RIMKLB: variants seen among roughly 807,000 people sequenced by gnomAD.
RIMKLB encodes ribosomal modification protein rimK like family member B.
A neutral mutation model predicts 32.0 loss-of-function variants in RIMKLB; 7 were observed. The observed-to-expected ratio is 0.22, with a 90% confidence interval of 0.12 to 0.41. The LOEUF (loss-of-function observed/expected upper bound fraction) is 0.41. Among genes scored for constraint, RIMKLB ranks in the 10% least tolerant of loss-of-function variants. The pLI is 1.00. For synonymous variants in RIMKLB, 172 were observed against 185.1 expected (o/e 0.93, Z 0.57); for missense variants, 289 against 498.7 (o/e 0.58, Z 4.00).
At chr12:8,717,630 G>C (rs778355405) in intron 2 of RIMKLB, among the ~76,000 whole-genome samples, 17 of 152,208 alleles carry the variant, frequency 1.1e-4, no homozygotes, top group South Asian at 2.1e-4. Flanking sequence ...AATGTAAAAG[G>C]CTTGTCTGTT....
At chr12:8,778,241 A>G (rs1950848548), downstream of RIMKLB, among the ~76,000 whole-genome samples, 1 of 152,208 alleles carries the variant, frequency 6.6e-6, no homozygotes, top group African/African-American at 2.4e-5. Context: ...GAGTTTTGAA[A>G]GGTAAAATTA....
downstream of RIMKLB, chr12:8,779,044 G>T (rs1321700084): frequency 2.0e-5 from 3 of 152,120 alleles, no homozygotes; most frequent in Admixed American, 1.3e-4. Context: ...AATTTGAATT[G>T]GAATTTACTT....
intron 2 of RIMKLB, among the ~76,000 whole-genome samples, chr12:8,735,790 G>T (rs920946823): frequency 6.6e-6 from 1 of 151,924 alleles, no homozygotes; most frequent in Non-Finnish European, 1.5e-5. Context: ...GAGTGCAATG[G>T]CGGGATCCCG....
intron 1 of RIMKLB, among the ~76,000 whole-genome samples, chr12:8,688,018 T>C (rs1010367864): frequency 6.6e-6 from 1 of 152,082 alleles, no homozygotes; most frequent in African/African-American, 2.4e-5. Flanking sequence ...GAAGAGCTTA[T>C]GAAAGGGGTG....
At chr12:8,715,228 C>CCTTTTTTTT (rs1445737752) in intron 2 of RIMKLB, among the ~76,000 whole-genome samples, 20 of 123,760 alleles carry the variant, frequency 1.6e-4, no homozygotes, top group African/African-American at 6.6e-4. Context: ...TGCTCTTGTT[C>CCTTTTTTTT]TTTTTTTTTT....
intron 2 of RIMKLB, among the ~76,000 whole-genome samples, chr12:8,740,452 G>T (rs1947398918): frequency 6.6e-6 from 1 of 152,126 alleles, no homozygotes. Flanking sequence ...TCCAAGCAGT[G>T]TACACTGTAC....
chr12:8,754,904 T>C (rs59935835), intron 5 of RIMKLB, among the ~76,000 whole-genome samples: 10,168 of 152,078 alleles, frequency 0.067, 1,110 homozygotes, highest in African/African-American at 0.22. Flanking sequence ...ATCCTCCTGC[T>C]TCAGCCTCCT....
At chr12:8,716,389 T>TA (rs1409211018) in intron 2 of RIMKLB, among the ~76,000 whole-genome samples, 1 of 151,482 alleles carries the variant, frequency 6.6e-6, no homozygotes, top group East Asian at 1.9e-4. Flanking sequence ...CTGTTTGTAA[T>TA]ATCACCTTTC....
intron 1 of RIMKLB, among the ~76,000 whole-genome samples, chr12:8,704,999 C>CACACACACACACACACAA (rs35908223): frequency 6.6e-6 from 1 of 151,540 alleles, no homozygotes; most frequent in African/African-American, 2.4e-5. Context: ...CACACACACA[C>CACACACACACACACACAA]AAAACCCCAA....
At chr12:8,743,407 T>C (rs7977372) in intron 2 of RIMKLB, among the ~76,000 whole-genome samples, 10,264 of 146,858 alleles carry the variant, frequency 0.07, 1,370 homozygotes, top group African/African-American at 0.24. Context: ...TAATCTGGAA[T>C]GCTCAAGGAT....
intron 5 of RIMKLB, among the ~76,000 whole-genome samples, chr12:8,758,555 A>T (rs1320512084): frequency 6.6e-6 from 1 of 152,114 alleles, no homozygotes; most frequent in African/African-American, 2.4e-5. Context: ...TGTCCCTTTT[A>T]ATGTCAAGCA....
chr12:8,771,155 A>G (rs1178770628), intron 5 of RIMKLB, among the ~76,000 whole-genome samples: 1 of 152,212 alleles, frequency 6.6e-6, no homozygotes, highest in Non-Finnish European at 1.5e-5. Context: ...ATAACCATGT[A>G]AAAATGTAAT....
chr12:8,758,230 T>C (rs1453098549), intron 5 of RIMKLB, among the ~76,000 whole-genome samples: 1 of 152,044 alleles, frequency 6.6e-6, no homozygotes, highest in Non-Finnish European at 1.5e-5. Context: ...AATCGAGATT[T>C]TTTTTTTCCT....
At chr12:8,689,349 G>A (rs982922383) in intron 1 of RIMKLB, among the ~76,000 whole-genome samples, 2 of 152,196 alleles carry the variant, frequency 1.3e-5, no homozygotes, top group South Asian at 2.1e-4. Flanking sequence ...AGACGTCCTC[G>A]TTGGGAGCAG....
the RIMKLB span, among the ~76,000 whole-genome samples, chr12:8,676,238 AATTTTTTGT>A: frequency 6.6e-6 from 1 of 151,578 alleles, no homozygotes; most frequent in African/African-American, 2.4e-5. Flanking sequence ...ACACTCAGCT[AATTTTTTGT>A]ATTTTTTGTA....
chr12:8,772,160 C>T (rs1385703008), intron 5 of RIMKLB, among the ~76,000 whole-genome samples: 3 of 152,222 alleles, frequency 2.0e-5, no homozygotes, highest in African/African-American at 7.2e-5. Context: ...GTTGGGATTA[C>T]AGGCATGAGC....
chr12:8,687,356 A>G (rs1942607200), intron 1 of RIMKLB, among the ~76,000 whole-genome samples: 1 of 152,200 alleles, frequency 6.6e-6, no homozygotes, highest in East Asian at 1.9e-4. Context: ...AAAACATACA[A>G]CCTCATCAAA....
chr12:8,774,058 T>C lies in RIMKLB; in HGVS notation c.*274T>C. On this transcript the variant is annotated 3_prime_UTR_variant, in exon 6 of 6. Transcript: ENST00000535829. ...CTTTTAAATTGCTAAAAAATGTGTA[T>C]GCTCATAGGCCATGAGGAACAAATA... 1 of 1,221,548 alleles carries C rather than the reference T, an allele frequency of 8.2e-7. No individual in the cohort carries two copies. The highest frequency in any genetic ancestry group is 1.0e-6 in the Non-Finnish European group (1 of 977,926). 75.7% of individuals were successfully genotyped at this position (1,221,548 alleles called of 1,614,324 possible).
chr12:8,772,090 T>G (rs1024217695), intron 5 of RIMKLB, among the ~76,000 whole-genome samples: 18 of 152,188 alleles, frequency 1.2e-4, no homozygotes, highest in African/African-American at 4.3e-4. Flanking sequence ...GGTTTCACCA[T>G]GTTGGCCAGG....
Sources: allele counts gnomAD v4.1 joint callset (sites outside exome capture counted in the v4.1 genomes callset), GRCh38; gene constraint gnomAD v4.1.1; transcripts MANE v1.5; gene names NCBI Gene and HGNC (gene_info 2026-07-23, HGNC 2026-07-21).